The following SYTL3 variants were observed in gnomAD, a reference collection of about 807,000 sequenced individuals.
SYTL3 encodes synaptotagmin-like protein 3.
A neutral mutation model predicts 82.1 loss-of-function variants in SYTL3; 88 were observed. The ratio of observed to expected loss-of-function variants is 1.07; its 90% CI spans 0.90 to 1.28. SYTL3 has a LOEUF of 1.28. SYTL3 is among the 50% of genes most tolerant of loss of function. SYTL3 has a pLI of 0.00. For synonymous variants in SYTL3, 311 were observed against 289.4 expected (o/e 1.07, Z -0.76); for missense variants, 831 against 757.6 (o/e 1.10, Z -1.14).
chr6:158,760,506 C>G (rs1022335797), intron 14 of SYTL3, 134 bp from the exon 15 acceptor site: 2 of 698,238 alleles, frequency 2.9e-6, no homozygotes, highest in African/African-American at 3.6e-5. Flanking sequence ...CTGCCACGGA[C>G]ACACCTGCTC....
At chr6:158,691,650 A>C (rs924767436) in intron 6 of SYTL3, among the ~76,000 whole-genome samples, 1 of 150,188 alleles carries the variant, frequency 6.7e-6, no homozygotes, top group African/African-American at 2.4e-5. Context: ...ATTAATATTA[A>C]ACTTTTTTTT....
Position 158,725,658 on chromosome 6 carries a change from CT to C in SYTL3, c.855+28del. The C allele has an allele frequency of 2.5e-6, 4 of 1,599,114 alleles. No individual in the cohort carries two copies. The South Asian group carries it at 3.4e-5, about 14-fold the overall frequency. ...GACACGTGAGTCTCATTCCAATGCT[CT>C]TTTTTTGTTTTTTTGTTTTTTGTTT... On this transcript the variant is annotated intron_variant, in intron 11 of 17. Coordinates refer to ENST00000611299, the MANE Select transcript of SYTL3 (RefSeq NM_001242394.2).
intron 10 of SYTL3, among the ~76,000 whole-genome samples, chr6:158,723,111 T>C (rs1043292587): frequency 4.8e-5 from 6 of 124,120 alleles, no homozygotes; most frequent in African/African-American, 2.2e-4. Flanking sequence ...TTTTTTTTTT[T>C]TGAGACAGAG....
intron 5 of SYTL3, among the ~76,000 whole-genome samples, chr6:158,682,602 G>C (rs1163791253): frequency 6.6e-6 from 1 of 150,862 alleles, no homozygotes; most frequent in Non-Finnish European, 1.5e-5. Flanking sequence ...CTCGTGATCC[G>C]CCTGCCTCGG....
chr6:158,727,442 A>G (rs968491661), intron 11 of SYTL3, among the ~76,000 whole-genome samples: 1 of 152,164 alleles, frequency 6.6e-6, no homozygotes, highest in African/African-American at 2.4e-5. Flanking sequence ...AAGTGCTGAG[A>G]TTACAGGCAT....
At chr6:158,728,336 G>GT (rs1236651713) in intron 11 of SYTL3, among the ~76,000 whole-genome samples, 1 of 128,232 alleles carries the variant, frequency 7.8e-6, no homozygotes, top group African/African-American at 3.1e-5. Flanking sequence ...AATACCACTT[G>GT]TTAAAAAAAA....
At chr6:158,696,574 CTTG>C (rs530657638) in intron 6 of SYTL3, among the ~76,000 whole-genome samples, 112 of 152,170 alleles carry the variant, frequency 7.4e-4, no homozygotes, top group African/African-American at 2.6e-3. Context: ...GAAGTGGTAT[CTTG>C]TTGTGGCTTT....
upstream of SYTL3, among the ~76,000 whole-genome samples, chr6:158,646,127 T>TATTG (rs1264851267): frequency 2.0e-5 from 3 of 152,252 alleles, no homozygotes; most frequent in East Asian, 5.8e-4. Flanking sequence ...AATTAACATT[T>TATTG]ATTTATTTAT....
chr6:158,762,844 G>C (rs951019381), intron 16 of SYTL3, among the ~76,000 whole-genome samples: 3 of 152,272 alleles, frequency 2.0e-5, no homozygotes, highest in East Asian at 1.9e-4. Flanking sequence ...TTGAACTTGG[G>C]GGGAGGAGGT....
chr6:158,659,184 G>C (rs138411012), intron 2 of SYTL3, among the ~76,000 whole-genome samples: 23 of 152,336 alleles, frequency 1.5e-4, no homozygotes, highest in African/African-American at 5.5e-4. Context: ...GGGAACACCA[G>C]AAGGTTTCCT....
At chr6:158,674,113 A>AATG (rs1491387063) in intron 5 of SYTL3, among the ~76,000 whole-genome samples, 1 of 146,646 alleles carries the variant, frequency 6.8e-6, no homozygotes, top group African/African-American at 2.6e-5. Context: ...TAATAATAAT[A>AATG]ATAATAATGA....
chr6:158,663,637 G>C, intron 4 of SYTL3: 2 of 982,766 alleles, frequency 2.0e-6, no homozygotes, highest in Non-Finnish European at 2.4e-6. Context: ...TAAGTTTGCT[G>C]TCTGCCATCT....
chr6:158,650,777 T>TAA (rs11464035), intron 1 of SYTL3, among the ~76,000 whole-genome samples: 52 of 138,260 alleles, frequency 3.8e-4, no homozygotes, highest in Middle Eastern at 3.6e-3. Flanking sequence ...ACCCCATCTC[T>TAA]AAAAAAAAAA....
chr6:158,664,168 G>T (rs1789727473), intron 4 of SYTL3, among the ~76,000 whole-genome samples: 1 of 152,174 alleles, frequency 6.6e-6, no homozygotes, highest in Non-Finnish European at 1.5e-5. Context: ...GAGGAGTGAG[G>T]AGAATTTTCT....
chr6:158,696,765 C>T (rs1780602576), intron 6 of SYTL3, among the ~76,000 whole-genome samples: 1 of 151,874 alleles, frequency 6.6e-6, no homozygotes, highest in African/African-American at 2.4e-5. Context: ...GCTTCCAGAT[C>T]TCAAAACTTA....
intron 5 of SYTL3, among the ~76,000 whole-genome samples, chr6:158,678,091 G>A (rs1583204406): frequency 6.6e-6 from 1 of 152,214 alleles, no homozygotes; most frequent in East Asian, 1.9e-4. Flanking sequence ...TGCTCAGGCT[G>A]GTCTGGAACT....
chr6:158,671,114 T>A (rs1482738100), intron 5 of SYTL3, among the ~76,000 whole-genome samples: 1 of 151,506 alleles, frequency 6.6e-6, no homozygotes, highest in Non-Finnish European at 1.5e-5. Context: ...TATGGAGTAC[T>A]TTTTAGAAAA....
intron 11 of SYTL3, among the ~76,000 whole-genome samples, chr6:158,728,579 G>A (rs980302830): frequency 2.6e-5 from 4 of 152,182 alleles, no homozygotes; most frequent in African/African-American, 9.6e-5. Context: ...ATTGCTTTGT[G>A]ATGTTTTAAA....
chr6:158,747,250 G>A (rs1787781409), intron 12 of SYTL3, among the ~76,000 whole-genome samples: 2 of 152,240 alleles, frequency 1.3e-5, no homozygotes, highest in African/African-American at 4.8e-5. Context: ...GCCTCCCAGA[G>A]TGCTGGGATT....
Sources: gnomAD v4.1 joint callset for allele counts (sites outside exome capture counted in the v4.1 genomes callset) on GRCh38, gnomAD v4.1.1 for gene constraint, MANE v1.5 for transcripts, NCBI Gene and HGNC (gene_info 2026-07-23, HGNC 2026-07-21) for gene names.